The following ATM variants were observed in gnomAD, a reference collection of about 807,000 sequenced individuals.
ATM encodes serine-protein kinase ATM.
A neutral mutation model predicts 387.0 loss-of-function variants in ATM; 308 were observed. The observed-to-expected ratio is 0.80, with a 90% CI of 0.73 to 0.87. The LOEUF is 0.87. Among genes scored for constraint, ATM ranks in the 40% least tolerant of loss-of-function variants. The pLI is 0.00. For synonymous variants in ATM, 1,156 were observed against 1,187.3 expected (o/e 0.97, Z 0.54); for missense variants, 3,312 against 3,560.9 (o/e 0.93, Z 1.78).
Position 108,332,718 on chromosome 11 carries a change from G to A in ATM, c.7789-44G>A. ...TTTTCTAACTCTGAGAAGTTTAAAT[G>A]TTGGGTAGTTCCTTATGTAATGTTT... On this transcript the variant is annotated intron_variant, in intron 52 of 62. Coordinates refer to ENST00000675843, the MANE Select transcript of ATM (RefSeq NM_000051.4). 3 of 1,591,444 alleles carry A rather than the reference G, an allele frequency of 1.9e-6. No homozygotes were observed. The South Asian group carries it at 3.3e-5, about 18-fold the overall frequency.
At position 108,368,765 on chromosome 11, in the gene ATM, C is replaced by A. The variant is rs1224565244; in HGVS notation, c.*3257C>A. 4.7e-6 allele frequency: 1 copy of A among 211,170 alleles called. No individual in the cohort carries two copies. The highest frequency in any genetic ancestry group is 7.1e-5 in the East Asian group (1 of 14,088). The allele number at this position is 211,170 out of a possible 1,614,324, so 13.1% of individuals were successfully genotyped here. On this transcript the variant is annotated 3_prime_UTR_variant, in exon 63 of 63. Coordinates refer to ENST00000675843, the MANE Select transcript of ATM (RefSeq NM_000051.4). ...CTACTTTGTGCAGGTCATACCTCCC[C>A]AAAGTGTTTACCTAATCAGTAGGTT...
At chr11:108,317,613 TTTTATATATATATATA>T (rs2084811841) in intron 43 of ATM, 92 bp downstream of exon 43, 3 of 270,376 alleles carry the variant, frequency 1.1e-5, no homozygotes, top group African/African-American at 7.0e-5. Context: ...ACAGGAGTTG[TTTTATATATATATATA>T]TATATATATA....
rs772470025 is a variant in ATM, at chr11:108,253,924, G to GTA, written c.2012_2013dup (p.Glu672Ter). 6.2e-7 allele frequency: 1 copy of GTA among 1,614,024 alleles called. No individual in the cohort carries two copies. The highest frequency in any genetic ancestry group is 8.5e-7 in the Non-Finnish European group (1 of 1,179,960). On this transcript the variant is annotated frameshift_variant, in exon 13 of 63. Coordinates refer to ENST00000675843, the MANE Select transcript of ATM (RefSeq NM_000051.4). LOFTEE classifies it high-confidence loss of function. The stretch of plus-strand genomic sequence containing the variant: ...TTTTTAACCATTGTGAGAGAATGTG[G>GTA]TATAGAAAAGCACCAGTCCAGTATT...
At chr11:108,308,974 C>T in intron 38 of ATM, 1 of 1,514,048 alleles carries the variant, frequency 6.6e-7, no homozygotes, top group Non-Finnish European at 8.9e-7. Flanking sequence ...TTCAGACTTA[C>T]CATTGGGGTA....
At chr11:108,266,642 A>C (rs2081262498) in intron 16 of ATM, among the ~76,000 whole-genome samples, 1 of 151,560 alleles carries the variant, frequency 6.6e-6, no homozygotes, top group African/African-American at 2.4e-5. Context: ...TAATAAAAAA[A>C]ATAATAATTT....
At chr11:108,332,927 T>C (rs2136576845) in intron 53 of ATM, 27 bp downstream of exon 53, 1 of 1,604,048 alleles carries the variant, frequency 6.2e-7, no homozygotes, top group Non-Finnish European at 8.5e-7. Flanking sequence ...GAAGAAACGT[T>C]ACTTTCTTGC....
At chr11:108,247,248 G>T (rs2079900586) in intron 8 of ATM, 121 bp downstream of exon 8, 1 of 848,898 alleles carries the variant, frequency 1.2e-6, no homozygotes, top group Non-Finnish European at 1.9e-6. Flanking sequence ...CTCTGTACAT[G>T]CAACTATTCC....
At chr11:108,352,617 A>G (rs2137248009) in intron 59 of ATM, among the ~76,000 whole-genome samples, 1 of 152,376 alleles carries the variant, frequency 6.6e-6, no homozygotes, top group South Asian at 2.1e-4. Context: ...ACAAATGTGT[A>G]TAGCAGCTTT....
intron 22 of ATM, among the ~76,000 whole-genome samples, chr11:108,275,276 C>T (rs567307810): frequency 8.5e-5 from 13 of 152,156 alleles, no homozygotes; most frequent in Non-Finnish European, 1.6e-4. Context: ...GATGGGTCCC[C>T]TGAATACAGC....
At chr11:108,356,219 A>G (rs1374685527) in intron 61 of ATM, 3 of 152,126 alleles carry the variant, frequency 2.0e-5, no homozygotes, top group African/African-American at 7.2e-5. Context: ...CTCTAAAGTT[A>G]TATTATCTTG....
chr11:108,258,898 T>C, intron 15 of ATM, 88 bp from the exon 16 acceptor site: 1 of 1,036,950 alleles, frequency 9.6e-7, no homozygotes, highest in South Asian at 1.3e-5. Context: ...TTTATCTACA[T>C]TCCATTCAAG....
At position 108,267,193 on chromosome 11, in the gene ATM, T is replaced by C. The variant is rs773582901; in HGVS notation, c.2489T>C (p.Phe830Ser). Residue 830 changes from phenylalanine (F) to serine (S), a missense_variant, in exon 17 of 63, where the codon TTT (phenylalanine) becomes TCT (serine). Physicochemically the swap from Phe to Ser is radical, Grantham distance 155. This residue lies in a region of ATM where 1,791 missense variants were observed against 1,804.5 expected (regional missense o/e 0.99). Transcript: ENST00000675843. ...KSLASFIKKP[F>S]DRGEVESMED... ...AAGGCATCCTTCATCAAAAAGCCAT[T>C]TGACCGTGGAGAAGTAGAATCAATG... 1 of 1,614,116 alleles carries C rather than the reference T, an allele frequency of 6.2e-7. No individual in the cohort carries two copies.
chr11:108,272,553 A>G lies in ATM; in HGVS notation c.3099A>G (p.Lys1033=), dbSNP rs1813895840. The change falls in exon 21 of 63, where the codon AAA becomes AAG. Residue 1033 remains lysine (K), a synonymous_variant. Coordinates refer to ENST00000675843, the MANE Select transcript of ATM (RefSeq NM_000051.4). The part of the protein sequence containing the change: ...GAFWHLTKER[K]YIFSVRMALV... ...TCAGGCATCTAACAAAGGAGAGGAA[A>G]TATATATTCTCTGTAAGAATGGCCC... The G allele has an allele frequency of 6.2e-7, 1 of 1,613,330 alleles. No individual in the cohort carries two copies. The highest frequency in any genetic ancestry group is 1.7e-5 in the Admixed American group (1 of 59,992).
Position 108,299,802 on chromosome 11 carries a change from G to A in ATM, c.5094G>A (p.Lys1698=). 6.2e-7 allele frequency: 1 copy of A among 1,613,878 alleles called. No homozygotes were observed. Among genetic ancestry groups the A allele is most frequent in the Non-Finnish European group, 8.5e-7 (1 of 1,179,908 alleles). The change falls in exon 34 of 63, where the codon AAG becomes AAA. Residue 1698 remains lysine (K), a synonymous_variant. Transcript: ENST00000675843. ...IQHSKDASYT[K]ALKLFEDKEL... is the part of the protein sequence containing the mutation. ...ATAGTAAAGATGCATCTTATACCAA[G>A]GCCCTTAAGTTATTTGAAGATAAAG...
At chr11:108,260,680 C>T (rs989547210) in intron 16 of ATM, among the ~76,000 whole-genome samples, 6 of 152,306 alleles carry the variant, frequency 3.9e-5, no homozygotes, top group East Asian at 1.9e-4. Context: ...CAGCTCCCAG[C>T]GTGAACGACG....
intron 25 of ATM, among the ~76,000 whole-genome samples, chr11:108,284,019 G>A (rs2082360327): frequency 6.6e-6 from 1 of 151,924 alleles, no homozygotes; most frequent in South Asian, 2.1e-4. Context: ...TATGGTGGTG[G>A]TATGTTCTAA....
Position 108,301,697 on chromosome 11 carries a change from A to C in ATM, c.5227A>C (p.Thr1743Pro), listed in dbSNP as rs758924620. ...TACCTGTTTGAAAAACATTTTAGCC[A>C]CAAAGACTGGACATAGTTTCTGGGA... ...AVTCLKNILATKTGHSFWEIY... is the reference protein window; with the variant it reads ...AVTCLKNILAPKTGHSFWEIY... Residue 1743 changes from threonine (T) to proline (P), a missense_variant, in exon 35 of 63, where the codon ACA becomes CCA. By Grantham distance (38) the Thr-to-Pro change is conservative. Transcript: ENST00000675843. 6.2e-7 allele frequency: 1 copy of C among 1,613,796 alleles called. No individual in the cohort carries two copies.
rs1183804155 is a variant in ATM at position 108,268,584 on chromosome 11, C to T, written c.2813C>T (p.Pro938Leu). ...LMLIDSSTLE[P>L]TKSLHLHMYL... ...TTAATTGATTCTAGCACGCTAGAAC[C>T]TACCAAATCCCTCCACCTGCATATG... The change falls in exon 18 of 63, where the codon CCT becomes CTT. Residue 938 changes from proline to leucine, a missense_variant. By Grantham distance (98) the Pro-to-Leu change is moderately conservative. Around this residue, in one of 4 missense-constraint regions of ATM, gnomAD observed 1,791 missense variants for 1,804.5 expected, o/e 0.99. Transcript: ENST00000675843. The T allele has an allele frequency of 2.5e-6, 4 of 1,613,992 alleles. No individual in the cohort carries two copies. In the African/African-American group the frequency reaches 5.3e-5, roughly 22 times the overall value.
At chr11:108,234,325 A>G (rs1300201506) in intron 4 of ATM, among the ~76,000 whole-genome samples, 1 of 152,236 alleles carries the variant, frequency 6.6e-6, no homozygotes. Flanking sequence ...TCATATTTAC[A>G]TGAGTTGTGT....
Sources: allele counts gnomAD v4.1 joint callset (sites outside exome capture counted in the v4.1 genomes callset), GRCh38; gene constraint gnomAD v4.1.1; regional missense constraint gnomAD v4.1.1; transcripts MANE v1.5; gene names NCBI Gene and HGNC (gene_info 2026-07-23, HGNC 2026-07-21).